PPP1R12B: variants seen among roughly 807,000 people sequenced by gnomAD.
PPP1R12B encodes protein phosphatase 1 regulatory subunit 12B.
In PPP1R12B, 76 loss-of-function variants were observed where a neutral mutation model predicts 126.1. That is an observed-to-expected ratio of 0.60 (90% CI 0.50 to 0.73). The LOEUF is 0.73. Among genes scored for constraint, PPP1R12B ranks in the 30% least tolerant of loss-of-function variants. The pLI, the probability that PPP1R12B is intolerant of heterozygous loss-of-function variation, is 0.00. For synonymous variants in PPP1R12B, 356 were observed against 434.7 expected (o/e 0.82, Z 2.25); for missense variants, 1,052 against 1,205.1 (o/e 0.87, Z 1.88).
At chr1:202,548,038 C>T (rs1685833446) in intron 18 of PPP1R12B, among the ~76,000 whole-genome samples, 1 of 152,230 alleles carries the variant, frequency 6.6e-6, no homozygotes, top group Non-Finnish European at 1.5e-5. Flanking sequence ...TAACCATAAA[C>T]ACCAAGTTTA....
At position 202,565,586 on chromosome 1, in the gene PPP1R12B, T is replaced by C. The variant is rs1418822994; in HGVS notation, c.2757+1039T>C. ...TGGAAGACAGCCCCACAGAGCTGCGTAGGACTCCAGCAAGACAGCCAGGAC... is the reference window on the plus strand; with the variant it reads ...TGGAAGACAGCCCCACAGAGCTGCGCAGGACTCCAGCAAGACAGCCAGGAC... On this transcript the variant is annotated intron_variant, in intron 21 of 23. Coordinates refer to ENST00000608999, the MANE Select transcript of PPP1R12B (RefSeq NM_002481.4). The surrounding 1 kb of genome is among the most constrained non-coding windows in gnomAD (Gnocchi z 4.3). Among the ~76,000 whole-genome samples, 1 of 152,242 alleles carries C rather than the reference T, an allele frequency of 6.6e-6. No homozygotes were observed. Among genetic ancestry groups the C allele is most frequent in the Non-Finnish European group, 1.5e-5 (1 of 68,004 alleles).
chr1:202,484,496 A>G (rs182676582), intron 13 of PPP1R12B, among the ~76,000 whole-genome samples: 3 of 152,334 alleles, frequency 2.0e-5, no homozygotes, highest in Non-Finnish European at 4.4e-5. Flanking sequence ...AAACCTTCGT[A>G]CTAGAGGACT....
chr1:202,436,340 T>A (rs890758021), intron 9 of PPP1R12B, among the ~76,000 whole-genome samples: 3 of 152,172 alleles, frequency 2.0e-5, no homozygotes, highest in African/African-American at 7.2e-5. Context: ...GGAAGGCATT[T>A]TCCCCCTTAG....
At chr1:202,499,852 G>A (rs1680005843) in intron 18 of PPP1R12B, among the ~76,000 whole-genome samples, 2 of 152,154 alleles carry the variant, frequency 1.3e-5, no homozygotes, top group African/African-American at 4.8e-5. Flanking sequence ...TTATGGCCAG[G>A]AATGGCCATA....
intron 1 of PPP1R12B, among the ~76,000 whole-genome samples, chr1:202,387,715 A>G (rs1558162944): frequency 6.6e-6 from 1 of 152,198 alleles, no homozygotes; most frequent in Non-Finnish European, 1.5e-5. Context: ...CTATCCCTTC[A>G]GATTTGACTG....
chr1:202,356,233 G>T (rs1657076128), intron 1 of PPP1R12B, among the ~76,000 whole-genome samples: 1 of 152,128 alleles, frequency 6.6e-6, no homozygotes, highest in South Asian at 2.1e-4. Context: ...GTATCTATGT[G>T]ACTCAAGGCT....
chr1:202,501,113 T>TGACA (rs1163666471), intron 18 of PPP1R12B, among the ~76,000 whole-genome samples: 1 of 152,232 alleles, frequency 6.6e-6, no homozygotes, highest in African/African-American at 2.4e-5. Context: ...GTTAGGTATA[T>TGACA]GACAGTCTCT....
At chr1:202,359,813 C>G (rs1173962670) in intron 1 of PPP1R12B, among the ~76,000 whole-genome samples, 2 of 152,042 alleles carry the variant, frequency 1.3e-5, no homozygotes, top group African/African-American at 2.4e-5. Flanking sequence ...CAAACAAAAA[C>G]AAAAACAAAA....
chr1:202,570,287 T>C (rs1205928810), intron 23 of PPP1R12B, among the ~76,000 whole-genome samples: 2 of 151,936 alleles, frequency 1.3e-5, no homozygotes, highest in Non-Finnish European at 2.9e-5. Flanking sequence ...GTGGCCTAAA[T>C]AGATTGGTTA....
At chr1:202,413,105 G>A (rs1667616849) in intron 1 of PPP1R12B, among the ~76,000 whole-genome samples, 1 of 151,698 alleles carries the variant, frequency 6.6e-6, no homozygotes, top group Admixed American at 6.6e-5. Context: ...ATGAATACTG[G>A]CTATAAAAGT....
rs184024347 is a variant in PPP1R12B at position 202,587,456 on chromosome 1, C to A, written c.*6896C>A. ...CCCGTATGACTCCTCCATAGCCTGGCCAAGGAGACCATGAGTAGCCATGTC... is the reference window on the plus strand; with the variant it reads ...CCCGTATGACTCCTCCATAGCCTGGACAAGGAGACCATGAGTAGCCATGTC... On this transcript the variant is annotated 3_prime_UTR_variant, in exon 24 of 24. Transcript: ENST00000608999. The A allele has an allele frequency of 2.0e-5, 3 of 152,162 alleles. No individual in the cohort carries two copies. The highest frequency in any genetic ancestry group is 7.2e-5 in the African/African-American group (3 of 41,426). The allele number at this position is 152,162 out of a possible 1,614,324, so 9.4% of individuals were successfully genotyped here. A position where few individuals can be genotyped will look rare whatever the true frequency, so the allele number is the denominator to read the frequency against.
chr1:202,543,128 G>T lies in PPP1R12B; in HGVS notation c.2491-15749G>T, dbSNP rs560015617. On this transcript the variant is annotated intron_variant, in intron 18 of 23. Transcript: ENST00000608999. ...GAATATTTTGGACACTGTACCCTTT[G>T]TCAAATGTTCAAGCAGTAGTAAAGG... 4.6e-5 allele frequency among the ~76,000 whole-genome samples: 7 copies of T among 152,102 alleles called. No individual in the cohort carries two copies. In the South Asian group the frequency reaches 1.5e-3, roughly 32 times the overall value.
intron 13 of PPP1R12B, among the ~76,000 whole-genome samples, chr1:202,463,508 T>C (rs1170426094): frequency 6.6e-6 from 1 of 152,158 alleles, no homozygotes; most frequent in African/African-American, 2.4e-5. Flanking sequence ...GAAAAAAGTA[T>C]TGTTGGATAT....
At chr1:202,350,094 A>G (rs987228169) in intron 1 of PPP1R12B, among the ~76,000 whole-genome samples, 3 of 152,222 alleles carry the variant, frequency 2.0e-5, no homozygotes, top group Admixed American at 2.0e-4. Context: ...ATGTATTGGC[A>G]TGAGAATCTA....
In PPP1R12B at chr1:202,583,504, G is replaced by C. The variant is rs1689658168; in HGVS notation, c.*2944G>C. The C allele has an allele frequency of 6.6e-6, 1 of 152,122 alleles. No homozygotes were observed. The allele number at this position is 152,122 out of a possible 1,614,324, so 9.4% of individuals were successfully genotyped here. ...TGAAAGTAAGTGTAAACTATCCTAG[G>C]TAATTTCAGGTACTTTCTCTTATGC... On this transcript the variant is annotated 3_prime_UTR_variant, in exon 24 of 24. Transcript: ENST00000608999.
chr1:202,361,004 C>A (rs557007077), intron 1 of PPP1R12B, among the ~76,000 whole-genome samples: 29 of 151,834 alleles, frequency 1.9e-4, no homozygotes, highest in Non-Finnish European at 3.4e-4. Context: ...CATTCTCCTG[C>A]CTCAGCCTCC....
chr1:202,459,095 C>G (rs879703147), intron 13 of PPP1R12B, among the ~76,000 whole-genome samples: 2 of 152,088 alleles, frequency 1.3e-5, no homozygotes, highest in Non-Finnish European at 2.9e-5. Flanking sequence ...AGCTTTACAC[C>G]CTTGTGCTAA....
chr1:202,363,484 TTTAA>T (rs1282397326), intron 1 of PPP1R12B, among the ~76,000 whole-genome samples: 1 of 152,248 alleles, frequency 6.6e-6, no homozygotes, highest in Admixed American at 6.5e-5. Flanking sequence ...ATGTGCATTC[TTTAA>T]TTTAGTTTCC....
chr1:202,566,165 C>G (rs1484093230), intron 21 of PPP1R12B, among the ~76,000 whole-genome samples: 1 of 152,206 alleles, frequency 6.6e-6, no homozygotes, highest in Admixed American at 6.5e-5. Context: ...CTCAGCATTT[C>G]CACCAGCCCA....
Sources: allele counts gnomAD v4.1 joint callset (sites outside exome capture counted in the v4.1 genomes callset), GRCh38; gene constraint gnomAD v4.1.1; non-coding constraint Gnocchi (gnomAD v3.1); transcripts MANE v1.5; gene names NCBI Gene and HGNC (gene_info 2026-07-23, HGNC 2026-07-21).